Variants in NECTIN1 observed in about 807,000 individuals in gnomAD.
The protein encoded by NECTIN1 is nectin cell adhesion molecule 1, also known as nectin-1.
NECTIN1 carries 23 observed loss-of-function variants against 48.0 expected under a neutral mutation model. That is an observed-to-expected ratio of 0.48 (90% CI 0.34 to 0.68). NECTIN1 has a LOEUF of 0.68. NECTIN1 is among the 30% of genes least tolerant of loss of function. NECTIN1 has a pLI of 0.01. For missense variants in NECTIN1, 591 were observed against 709.9 expected (o/e 0.83, Z 1.90); for synonymous variants, 270 against 288.9 (o/e 0.93, Z 0.66).
Position 119,678,355 on chromosome 11 carries a change from G to C in NECTIN1, c.430+60C>G. ...GGGGTCATTGAGGCATCCTGAGGAT[G>C]GCCACGCCCCGAGGTCACAGGCCTC... On this transcript the variant is annotated intron_variant, in intron 2 of 5. Coordinates refer to ENST00000264025, the MANE Select transcript of NECTIN1 (RefSeq NM_002855.5). This position sits in a 1 kb window ranked among gnomAD's most constrained non-coding sequence, Gnocchi z 4.4. 6.8e-7 allele frequency: 1 copy of C among 1,470,200 alleles called. No homozygotes were observed. 91.1% of individuals were successfully genotyped at this position (1,470,200 alleles called of 1,614,324 possible).
chr11:119,716,854 G>A (rs556659922), intron 1 of NECTIN1, among the ~76,000 whole-genome samples: 41 of 152,338 alleles, frequency 2.7e-4, no homozygotes, highest in African/African-American at 8.4e-4. Flanking sequence ...GTGCACACGC[G>A]CGCGCACGCA....
In NECTIN1 at chr11:119,670,644, CT is replaced by C. The variant is rs56350355; in HGVS notation, c.1003+4514del. On this transcript the variant is annotated intron_variant, in intron 5 of 5. Transcript: ENST00000264025. ...TCTATTTAATTCTTTTTCCTAAGTC[CT>C]TTTTTTTTTTTTTTTTTTTGAGACA... Among the ~76,000 whole-genome samples, 22 of 113,894 alleles carry C rather than the reference CT, an allele frequency of 1.9e-4. 1 individual carries two copies. The highest frequency in any genetic ancestry group is 5.2e-3 in the Middle Eastern group (1 of 192). 74.7% of individuals were successfully genotyped at this position (113,894 alleles called of 152,430 possible). A position where few individuals can be genotyped will look rare whatever the true frequency, so the allele number is the denominator to read the frequency against.
Position 119,728,819 on chromosome 11 carries a change from C to G in NECTIN1, c.-266G>C, listed in dbSNP as rs1199237789. Reference sequence around the variant, plus strand: ...GCCCCTTCGCCTCCTCCGCTCTCCTCCCGGCGCCGGTCCCCGCCCTCTTCT... The same window carrying G: ...GCCCCTTCGCCTCCTCCGCTCTCCTGCCGGCGCCGGTCCCCGCCCTCTTCT... On this transcript the variant is annotated 5_prime_UTR_variant, in exon 1 of 6. Coordinates refer to ENST00000264025, the MANE Select transcript of NECTIN1 (RefSeq NM_002855.5). The G allele has an allele frequency of 2.7e-6, 1 of 371,202 alleles. No homozygotes were observed. Among genetic ancestry groups the G allele is most frequent in the African/African-American group, 2.1e-5 (1 of 47,380 alleles). The allele number at this position is 371,202 out of a possible 1,614,324, so 23.0% of individuals were successfully genotyped here. A position where few individuals can be genotyped will look rare whatever the true frequency, so the allele number is the denominator to read the frequency against.
chr11:119,728,426 CG>C, intron 1 of NECTIN1, 48 bp downstream of exon 1: 2 of 1,518,388 alleles, frequency 1.3e-6, no homozygotes, highest in South Asian at 1.2e-5. Flanking sequence ...CTCCCAGCCC[CG>C]GGGAGGCATT....
chr11:119,703,597 G>A (rs774129639), intron 1 of NECTIN1, among the ~76,000 whole-genome samples: 17 of 152,198 alleles, frequency 1.1e-4, no homozygotes, highest in Non-Finnish European at 1.6e-4. Flanking sequence ...AGGAAATTGA[G>A]GCCAGGGAAT....
At chr11:119,648,146 C>T (rs188287781) in intron 5 of NECTIN1, among the ~76,000 whole-genome samples, 28 of 139,786 alleles carry the variant, frequency 2.0e-4, no homozygotes, top group East Asian at 1.3e-3. Context: ...CACTGAGCGG[C>T]GCCCAGAAAT....
At chr11:119,655,996 C>T (rs897533137), downstream of NECTIN1, among the ~76,000 whole-genome samples, 4 of 152,228 alleles carry the variant, frequency 2.6e-5, no homozygotes, top group South Asian at 2.1e-4. Flanking sequence ...CTCCTGGGCT[C>T]AAGCGATCCT....
chr11:119,727,435 G>A lies in NECTIN1; in HGVS notation c.79+1040C>T, dbSNP rs569428844. ...TTGCTAGAGCTGCAGGTCGTCTCTG[G>A]TTTCTACCCAGAGAGCTGGAGGAAC... On this transcript the variant is annotated intron_variant, in intron 1 of 5. Coordinates refer to ENST00000264025, the MANE Select transcript of NECTIN1 (RefSeq NM_002855.5). The surrounding 1 kb of genome is among the most constrained non-coding windows in gnomAD (Gnocchi z 4.1). 6.6e-6 allele frequency among the ~76,000 whole-genome samples: 1 copy of A among 152,076 alleles called. No individual in the cohort carries two copies. Among genetic ancestry groups the A allele is most frequent in the Non-Finnish European group, 1.5e-5 (1 of 68,004 alleles).
intron 5 of NECTIN1, chr11:119,641,503 T>TCCCAGACAGGGAGC (rs1266353568): frequency 2.0e-5 from 3 of 152,114 alleles, no homozygotes; most frequent in Non-Finnish European, 4.4e-5. Context: ...CACTTGCAGC[T>TCCCAGACAGGGAGC]CCCAGACAGG....
chr11:119,666,658 C>A (rs1864775945), intron 5 of NECTIN1, among the ~76,000 whole-genome samples: 2 of 152,254 alleles, frequency 1.3e-5, no homozygotes, highest in Admixed American at 1.3e-4. Context: ...CGCTCAGGCC[C>A]TCCTTGCTCC....
intron 1 of NECTIN1, among the ~76,000 whole-genome samples, chr11:119,722,636 C>T (rs1176176753): frequency 6.6e-6 from 1 of 152,240 alleles, no homozygotes; most frequent in Non-Finnish European, 1.5e-5. Flanking sequence ...AGCCCTCAAC[C>T]ACCTCAGCTG....
intron 4 of NECTIN1, chr11:119,675,543 C>T (rs1463657169): frequency 3.9e-6 from 2 of 512,314 alleles, no homozygotes; most frequent in South Asian, 2.2e-5. Flanking sequence ...TAGGTAGGTG[C>T]CGGTCCCCCT....
chr11:119,710,598 G>A (rs145265553), intron 1 of NECTIN1, among the ~76,000 whole-genome samples: 5 of 152,290 alleles, frequency 3.3e-5, no homozygotes, highest in African/African-American at 9.6e-5. Flanking sequence ...TGTCCCACAG[G>A]AGGTAAAATT....
At chr11:119,675,636 T>C (rs1864933947) in intron 4 of NECTIN1, 2 of 314,740 alleles carry the variant, frequency 6.4e-6, no homozygotes, top group Non-Finnish European at 1.2e-5. Context: ...TTCTCGGGAC[T>C]CCTGGTAAAG....
intron 5 of NECTIN1, among the ~76,000 whole-genome samples, chr11:119,646,596 G>A (rs1864399161): frequency 6.6e-6 from 1 of 152,130 alleles, no homozygotes; most frequent in Non-Finnish European, 1.5e-5. Flanking sequence ...TGAGTCTGTT[G>A]ACAGATGGTA....
exon 8 of NECTIN1, chr11:119,638,171 T>C (rs1242714098): frequency 2.5e-6 from 4 of 1,613,808 alleles, no homozygotes; most frequent in East Asian, 2.2e-5. Context: ...CAGATCATAG[T>C]AGGGGGGCTG....
At chr11:119,725,394 C>T (rs751652000) in intron 1 of NECTIN1, among the ~76,000 whole-genome samples, 10 of 152,186 alleles carry the variant, frequency 6.6e-5, no homozygotes, top group East Asian at 1.9e-4. Flanking sequence ...AGATGCCTTC[C>T]GGGCCACTCA....
chr11:119,649,379 CA>C (rs559894952), intron 5 of NECTIN1, among the ~76,000 whole-genome samples: 167 of 126,378 alleles, frequency 1.3e-3, no homozygotes, highest in East Asian at 1.6e-3. Flanking sequence ...GACTCCATCT[CA>C]AAAAAAAAAA....
At position 119,684,672 on chromosome 11, in the gene NECTIN1, C is replaced by A. The variant is rs1010691175; in HGVS notation, c.80-5907G>T. ...CCCCCTCCTCCCAGTGCAGCCGCTT[C>A]CCTGATTGTCAACTCCCAGGGCTGG... On this transcript the variant is annotated intron_variant, in intron 1 of 5. Transcript: ENST00000264025. This position sits in a 1 kb window ranked among gnomAD's most constrained non-coding sequence, Gnocchi z 5.2. 3.3e-5 allele frequency among the ~76,000 whole-genome samples: 5 copies of A among 152,214 alleles called. No homozygotes were observed. The highest frequency in any genetic ancestry group is 5.9e-5 in the Non-Finnish European group (4 of 68,034).
Sources: allele counts gnomAD v4.1 joint callset (sites outside exome capture counted in the v4.1 genomes callset), GRCh38; gene constraint gnomAD v4.1.1; non-coding constraint Gnocchi (gnomAD v3.1); transcripts MANE v1.5; gene names NCBI Gene and HGNC (gene_info 2026-07-23, HGNC 2026-07-21).